Variants in BCO1 observed in about 807,000 individuals in gnomAD.
The protein encoded by BCO1 is beta-carotene oxygenase 1.
In BCO1, 54 loss-of-function variants were observed where a neutral mutation model predicts 56.3. The observed-to-expected ratio is 0.96, with a 90% CI of 0.77 to 1.20. The LOEUF is 1.20. Among genes scored for constraint, BCO1 ranks in the 50% most tolerant of loss-of-function variants. The probability of loss-of-function intolerance (pLI) is 0.00; values close to 1 mark genes in which losing one functional copy is unlikely to be tolerated. For missense variants in BCO1, 801 were observed against 690.9 expected (o/e 1.16, Z -1.79); for synonymous variants, 318 against 266.1 (o/e 1.20, Z -1.90).
At chr16:81,239,027 T>G in intron 1 of BCO1, 55 bp downstream of exon 1, 1 of 1,513,982 alleles carries the variant, frequency 6.6e-7, no homozygotes, top group South Asian at 1.2e-5. Context: ...ATTATTTTTT[T>G]TTTTTTTGAG....
In BCO1 at chr16:81,243,856, C is replaced by T. The variant is rs146660588; in HGVS notation, c.65-1619C>T. Among the ~76,000 whole-genome samples, 323 of 152,296 alleles carry T rather than the reference C, an allele frequency of 2.1e-3. 2 individuals are homozygous for T. Among genetic ancestry groups the T allele is most frequent in the Non-Finnish European group, 2.3e-3 (156 of 68,040 alleles). On this transcript the variant is annotated intron_variant, in intron 1 of 10. Coordinates refer to ENST00000258168, the MANE Select transcript of BCO1 (RefSeq NM_017429.3). ...TTTGGCACGTGATCCCAAGAAACATCAGGAGGAACTCAGGGAAACAGAGAG... is the reference window on the plus strand; with the variant it reads ...TTTGGCACGTGATCCCAAGAAACATTAGGAGGAACTCAGGGAAACAGAGAG...
chr16:81,256,933 C>T (rs1906173335), intron 2 of BCO1, among the ~76,000 whole-genome samples: 1 of 151,936 alleles, frequency 6.6e-6, no homozygotes. Flanking sequence ...CTAGTAGGAC[C>T]CCTCAACCCA....
At chr16:81,255,713 G>A (rs1906091052) in intron 2 of BCO1, among the ~76,000 whole-genome samples, 1 of 151,932 alleles carries the variant, frequency 6.6e-6, no homozygotes, top group African/African-American at 2.4e-5. Flanking sequence ...CACCGTATAG[G>A]CCAGGCTGGT....
intron 6 of BCO1, 96 bp downstream of exon 6, chr16:81,268,227 T>C (rs775897794): frequency 1.1e-5 from 12 of 1,053,590 alleles, no homozygotes; most frequent in African/African-American, 3.6e-5. Context: ...GGAAGTGGCA[T>C]GGAAGAGGGA....
At chr16:81,272,585 C>T (rs1429876132) in intron 7 of BCO1, among the ~76,000 whole-genome samples, 1 of 152,132 alleles carries the variant, frequency 6.6e-6, no homozygotes, top group Non-Finnish European at 1.5e-5. Context: ...CTAAGAATGA[C>T]CACCAGGCCA....
intron 2 of BCO1, among the ~76,000 whole-genome samples, chr16:81,246,885 G>T (rs530720991): frequency 3.8e-5 from 5 of 131,096 alleles, no homozygotes; most frequent in Non-Finnish European, 8.7e-5. Flanking sequence ...TACAGAGCTG[G>T]AAAGAGCAAA....
rs180789780 is a variant in BCO1, at chr16:81,244,767, C to A, written c.65-708C>A. Among the ~76,000 whole-genome samples the A allele has an allele frequency of 7.5e-5, 11 of 145,736 alleles. No homozygotes were observed. The East Asian group carries it at 2.2e-3, about 29-fold the overall frequency. ...TTTGAGACAAGGTCTTGCTCTGTTG[C>A]CCAGGCTGGAGTGGAGTGGTGTGAT... On this transcript the variant is annotated intron_variant, in intron 1 of 10. Coordinates refer to ENST00000258168, the MANE Select transcript of BCO1 (RefSeq NM_017429.3).
intron 5 of BCO1, among the ~76,000 whole-genome samples, chr16:81,265,690 C>T (rs908674105): frequency 6.6e-6 from 1 of 150,986 alleles, no homozygotes; most frequent in Non-Finnish European, 1.5e-5. Context: ...ACCCACCATC[C>T]ATCCACCATC....
intron 2 of BCO1, among the ~76,000 whole-genome samples, chr16:81,249,154 A>T (rs1174822016): frequency 6.8e-6 from 1 of 146,396 alleles, no homozygotes; most frequent in African/African-American, 2.6e-5. Flanking sequence ...GTGGTGGCGC[A>T]ATCTCGGCTC....
chr16:81,285,377 C>T (rs1048155234), intron 8 of BCO1, among the ~76,000 whole-genome samples, 163 bp from the exon 9 acceptor site: 3 of 152,122 alleles, frequency 2.0e-5, no homozygotes, highest in Admixed American at 6.6e-5. Flanking sequence ...AGGCTCCCTC[C>T]CCTGCCTTTG....
intron 7 of BCO1, among the ~76,000 whole-genome samples, chr16:81,274,868 C>T (rs1018073245): frequency 1.3e-5 from 2 of 151,612 alleles, no homozygotes; most frequent in African/African-American, 2.4e-5. Context: ...CGCCACTGCA[C>T]TCCAGCATGG....
chr16:81,256,912 G>A (rs548313285), intron 2 of BCO1, among the ~76,000 whole-genome samples: 1 of 151,898 alleles, frequency 6.6e-6, no homozygotes, highest in African/African-American at 2.4e-5. Flanking sequence ...AAAGTTATCA[G>A]GCCTGCAAAC....
At chr16:81,238,995 G>C in intron 1 of BCO1, 23 bp downstream of exon 1, 2 of 1,604,284 alleles carry the variant, frequency 1.2e-6, no homozygotes, top group Non-Finnish European at 1.7e-6. Flanking sequence ...ATAAACACTG[G>C]GCTCTTTCTT....
intron 1 of BCO1, among the ~76,000 whole-genome samples, chr16:81,242,079 T>A (rs1905148874): frequency 1.3e-5 from 2 of 152,006 alleles, no homozygotes; most frequent in African/African-American, 4.8e-5. Flanking sequence ...TTAATTATAT[T>A]CTCAGATGCC....
intron 3 of BCO1, 21 bp from the exon 4 acceptor site, chr16:81,262,115 T>A (rs561466042): frequency 6.2e-7 from 1 of 1,612,876 alleles, no homozygotes; most frequent in African/African-American, 1.3e-5. Context: ...ACTGACTCTG[T>A]TGATTTGCTT....
intron 3 of BCO1, chr16:81,261,846 A>G (rs914527908): frequency 9.1e-5 from 34 of 372,586 alleles, no homozygotes; most frequent in African/African-American, 7.2e-4. Flanking sequence ...GGTTCACGCC[A>G]TTCTCCTGCC....
At chr16:81,287,664 C>A (rs1908262167) in intron 10 of BCO1, among the ~76,000 whole-genome samples, 1 of 152,172 alleles carries the variant, frequency 6.6e-6, no homozygotes, top group African/African-American at 2.4e-5. Context: ...ACCAACCTCA[C>A]TGCAAGTGCT....
At position 81,285,593 on chromosome 16, in the gene BCO1, G is replaced by C; in HGVS notation, c.1261G>C (p.Val421Leu). The C allele has an allele frequency of 6.2e-7, 1 of 1,613,876 alleles. No individual in the cohort carries two copies. Among genetic ancestry groups the C allele is most frequent in the Non-Finnish European group, 8.5e-7 (1 of 1,179,726 alleles). The change falls in exon 9 of 11, where the codon GTC becomes CTC. Residue 421 changes from valine to leucine, a missense_variant. Transcript: ENST00000258168. ...YAHNGKQYRY[V>L]FATGVQWSPI... ...TCACAATGGAAAGCAATACCGATAT[G>C]TCTTTGCTACAGGAGTTCAGTGGAG... is the stretch of plus-strand genomic sequence containing the variant.
chr16:81,261,432 G>T (rs936464264), intron 3 of BCO1, among the ~76,000 whole-genome samples: 3 of 152,164 alleles, frequency 2.0e-5, no homozygotes, highest in Admixed American at 6.5e-5. Context: ...GAGATAACCA[G>T]TGTGGACTCA....
Sources: allele counts gnomAD v4.1 joint callset (sites outside exome capture counted in the v4.1 genomes callset), GRCh38; gene constraint gnomAD v4.1.1; transcripts MANE v1.5; gene names NCBI Gene and HGNC (gene_info 2026-07-23, HGNC 2026-07-21).